The following CAMK1D variants were observed in gnomAD, a reference collection of about 807,000 sequenced individuals.
CAMK1D encodes calcium/calmodulin-dependent protein kinase type 1D.
CAMK1D carries 9 observed loss-of-function variants against 47.7 expected under a neutral mutation model. The ratio of observed to expected loss-of-function variants is 0.19; its 90% CI spans 0.11 to 0.33. The LOEUF (loss-of-function observed/expected upper bound fraction) is 0.33, where lower values mean the gene tolerates loss of function less well. Among genes scored for constraint, CAMK1D ranks in the 10% least tolerant of loss-of-function variants. CAMK1D has a pLI of 1.00. For synonymous variants in CAMK1D, 184 were observed against 184.9 expected (o/e 0.99, Z 0.04); for missense variants, 291 against 488.7 (o/e 0.60, Z 3.81).
In CAMK1D at chr10:12,698,673, A is replaced by ATTTTTTTTT. The variant is rs573723767; in HGVS notation, c.299+31873_299+31881dup. 5.2e-3 allele frequency among the ~76,000 whole-genome samples: 545 copies of ATTTTTTTTT among 103,864 alleles called. 20 individuals are homozygous for ATTTTTTTTT. The highest frequency in any genetic ancestry group is 9.9e-3 in the East Asian group (35 of 3,552). 68.1% of individuals were successfully genotyped at this position (103,864 alleles called of 152,430 possible). A position where few individuals can be genotyped will look rare whatever the true frequency, so the allele number is the denominator to read the frequency against. On this transcript the variant is annotated intron_variant, in intron 3 of 10. Transcript: ENST00000619168. ...GAAGAAAAATGATGCCCTTTAAAGA[A>ATTTTTTTTT]TTTTTTTTTTTTTTTTTTGAGACGG...
At chr10:12,617,822 T>C (rs763043518) in intron 2 of CAMK1D, among the ~76,000 whole-genome samples, 6 of 152,216 alleles carry the variant, frequency 3.9e-5, no homozygotes, top group Non-Finnish European at 7.3e-5. Flanking sequence ...AATGCTGGTT[T>C]CCACTGGTGA....
At position 12,827,378 on chromosome 10, in the gene CAMK1D, T is replaced by TTC. The variant is rs141961320; in HGVS notation, c.1040-1390_1040-1389insCT. ...CCTTTCTTTCTTTCTCTTTCTTTCT[T>TTC]TTTCTTTCCCTTCCTTCCTTCCTTT... On this transcript the variant is annotated intron_variant, in intron 10 of 10. Coordinates refer to ENST00000619168, the MANE Select transcript of CAMK1D (RefSeq NM_153498.4). Among the ~76,000 whole-genome samples the TTC allele has an allele frequency of 3.0e-5, 3 of 100,164 alleles. 1 individual carries two copies. In the South Asian group the frequency reaches 1.0e-3, roughly 34 times the overall value. 65.7% of individuals were successfully genotyped at this position (100,164 alleles called of 152,430 possible). A position where few individuals can be genotyped will look rare whatever the true frequency, so the allele number is the denominator to read the frequency against.
intron 9 of CAMK1D, 104 bp from the exon 10 acceptor site, chr10:12,825,469 G>C: frequency 1.9e-6 from 2 of 1,073,244 alleles, no homozygotes; most frequent in East Asian, 4.8e-5. Context: ...ATGATGTAAG[G>C]AGTTTGAAAT....
At chr10:12,574,896 C>A (rs1202510117) in intron 2 of CAMK1D, among the ~76,000 whole-genome samples, 1 of 152,002 alleles carries the variant, frequency 6.6e-6, no homozygotes, top group Non-Finnish European at 1.5e-5. Flanking sequence ...ACGCTTCTAA[C>A]AACCAGATCT....
intron 2 of CAMK1D, among the ~76,000 whole-genome samples, chr10:12,605,346 G>GTA (rs1364095722): frequency 2.0e-5 from 3 of 150,162 alleles, no homozygotes; most frequent in Non-Finnish European, 4.4e-5. Context: ...AAGTGTGTGT[G>GTA]TGTGTGTGTG....
chr10:12,611,512 C>G (rs1372898635), intron 2 of CAMK1D, among the ~76,000 whole-genome samples: 2 of 150,654 alleles, frequency 1.3e-5, no homozygotes, highest in African/African-American at 4.9e-5. Context: ...AGGAGCTCTG[C>G]TGTGTGGTAC....
chr10:12,682,076 C>G (rs998671939), intron 3 of CAMK1D, among the ~76,000 whole-genome samples: 1 of 152,140 alleles, frequency 6.6e-6, no homozygotes, highest in African/African-American at 2.4e-5. Flanking sequence ...AAACATTAGG[C>G]AGGCGTGGTG....
chr10:12,357,408 C>T (rs1028827418), intron 1 of CAMK1D, among the ~76,000 whole-genome samples: 108 of 152,198 alleles, frequency 7.1e-4, no homozygotes, highest in Middle Eastern at 3.4e-3. Context: ...CTCCGCCTCC[C>T]GGGTTCAAGT....
intron 6 of CAMK1D, among the ~76,000 whole-genome samples, chr10:12,813,289 T>C (rs1588958408): frequency 6.6e-6 from 1 of 152,192 alleles, no homozygotes; most frequent in South Asian, 2.1e-4. Context: ...CTGGGCATGG[T>C]AGTGTGCTGA....
At chr10:12,350,971 G>T (rs1482449957) in intron 1 of CAMK1D, among the ~76,000 whole-genome samples, 1 of 152,180 alleles carries the variant, frequency 6.6e-6, no homozygotes, top group African/African-American at 2.4e-5. Context: ...TCAGTGCGTT[G>T]TTGGGTGCCC....
At chr10:12,368,198 C>CAAAAAAAA (rs759817546) in intron 1 of CAMK1D, among the ~76,000 whole-genome samples, 2 of 89,928 alleles carry the variant, frequency 2.2e-5, no homozygotes, top group Non-Finnish European at 2.3e-5. Context: ...GACTCCGTCT[C>CAAAAAAAA]AAAAAAAAAA....
At chr10:12,782,277 T>C (rs1837534043) in intron 5 of CAMK1D, among the ~76,000 whole-genome samples, 1 of 152,156 alleles carries the variant, frequency 6.6e-6, no homozygotes, top group South Asian at 2.1e-4. Context: ...AAGTCCCTCA[T>C]TGTCTTAATT....
chr10:12,464,814 TAAAAA>T (rs11286227), intron 1 of CAMK1D, among the ~76,000 whole-genome samples: 4 of 142,380 alleles, frequency 2.8e-5, no homozygotes, highest in South Asian at 2.2e-4. Context: ...GACTCCATCT[TAAAAA>T]AAAAAAAAAA....
chr10:12,671,606 T>TATATATATATATATGGAG (rs1840619162), intron 3 of CAMK1D, among the ~76,000 whole-genome samples: 1 of 147,890 alleles, frequency 6.8e-6, no homozygotes, highest in Non-Finnish European at 1.5e-5. Flanking sequence ...TGGAGATATG[T>TATATATATATATATGGAG]ATATATATAT....
chr10:12,363,959 G>T (rs1837759534), intron 1 of CAMK1D, among the ~76,000 whole-genome samples: 1 of 152,164 alleles, frequency 6.6e-6, no homozygotes, highest in Admixed American at 6.5e-5. Context: ...TCTTTTGGGT[G>T]TATAGCCAGA....
intron 1 of CAMK1D, among the ~76,000 whole-genome samples, chr10:12,479,080 A>G (rs1588533754): frequency 6.6e-6 from 1 of 152,258 alleles, no homozygotes; most frequent in African/African-American, 2.4e-5. Context: ...ATGACTCTCA[A>G]ACTTGAAGAT....
In CAMK1D at chr10:12,572,985, C is replaced by T. The variant is rs559906675; in HGVS notation, c.224+19629C>T. Reference sequence around the variant, plus strand: ...AGAAGGAAGAATCAGCAGAGCTCTGCGAGTCATAGGAGGTCAACAGGAGGG... The same window carrying T: ...AGAAGGAAGAATCAGCAGAGCTCTGTGAGTCATAGGAGGTCAACAGGAGGG... On this transcript the variant is annotated intron_variant, in intron 2 of 10. Coordinates refer to ENST00000619168, the MANE Select transcript of CAMK1D (RefSeq NM_153498.4). Among the ~76,000 whole-genome samples, 11 of 152,256 alleles carry T rather than the reference C, an allele frequency of 7.2e-5. No individual in the cohort carries two copies. In the South Asian group the frequency reaches 1.7e-3, roughly 23 times the overall value.
chr10:12,688,110 A>G (rs1304043255), intron 3 of CAMK1D, among the ~76,000 whole-genome samples: 2 of 152,226 alleles, frequency 1.3e-5, no homozygotes, highest in Admixed American at 6.5e-5. Flanking sequence ...CTGCTGACAA[A>G]GTATTTCATG....
chr10:12,780,392 A>G (rs191319353), intron 5 of CAMK1D, among the ~76,000 whole-genome samples: 1 of 152,190 alleles, frequency 6.6e-6, no homozygotes, highest in African/African-American at 2.4e-5. Context: ...GCTGGGCTAA[A>G]TATCTCCTGT....
Sources: gnomAD v4.1 joint callset for allele counts (sites outside exome capture counted in the v4.1 genomes callset) on GRCh38, gnomAD v4.1.1 for gene constraint, MANE v1.5 for transcripts, NCBI Gene and HGNC (gene_info 2026-07-23, HGNC 2026-07-21) for gene names.